The following CCDC91 variants were observed in gnomAD, a reference collection of about 807,000 sequenced individuals.
CCDC91 encodes coiled-coil domain containing 91, also known as coiled-coil domain-containing protein 91.
CCDC91 carries 48 observed loss-of-function variants against 63.2 expected under a neutral mutation model. The observed-to-expected ratio is 0.76, with a 90% CI of 0.60 to 0.97. The LOEUF (loss-of-function observed/expected upper bound fraction) is 0.97, where lower values mean the gene tolerates loss of function less well. Among genes scored for constraint, CCDC91 ranks in the 50% least tolerant of loss-of-function variants. The pLI is 0.00. For synonymous variants in CCDC91, 167 were observed against 165.8 expected, an observed-to-expected ratio of 1.01 and a Z score of -0.06; for missense variants, 500 against 494.6, an observed-to-expected ratio of 1.01 and a Z score of -0.10.
At chr12:28,517,330 G>A (rs1940063092) in intron 12 of CCDC91, among the ~76,000 whole-genome samples, 1 of 151,952 alleles carries the variant, frequency 6.6e-6, no homozygotes, top group Non-Finnish European at 1.5e-5. Flanking sequence ...GAATTCAGAA[G>A]TGGTGTTTAT....
At chr12:28,197,995 T>C (rs982012617) in intron 1 of CCDC91, among the ~76,000 whole-genome samples, 8 of 152,188 alleles carry the variant, frequency 5.3e-5, no homozygotes, top group Non-Finnish European at 1.2e-4. Flanking sequence ...TTAATTACTT[T>C]ATAAAATGAG....
chr12:28,346,308 G>C (rs986122354), intron 6 of CCDC91, among the ~76,000 whole-genome samples: 6 of 152,160 alleles, frequency 3.9e-5, no homozygotes, highest in African/African-American at 1.4e-4. Context: ...TTGACTTTTA[G>C]AAGTGTTTTC....
intron 12 of CCDC91, among the ~76,000 whole-genome samples, chr12:28,538,521 G>T (rs566123654): frequency 1.3e-5 from 2 of 151,952 alleles, no homozygotes; most frequent in East Asian, 3.9e-4. Context: ...GGACATTTTG[G>T]TTGGTTCCAA....
chr12:28,407,688 C>T (rs1425533358), intron 8 of CCDC91, among the ~76,000 whole-genome samples: 1 of 152,100 alleles, frequency 6.6e-6, no homozygotes, highest in African/African-American at 2.4e-5. Context: ...GGAGAACTGA[C>T]ATTTTCACAA....
At position 28,362,457 on chromosome 12, in the gene CCDC91, T is replaced by C. The variant is rs1291848672; in HGVS notation, c.596T>C (p.Leu199Ser). 1.2e-5 allele frequency: 19 copies of C among 1,592,920 alleles called. No individual in the cohort carries two copies. Among genetic ancestry groups the C allele is most frequent in the Non-Finnish European group, 1.5e-5 (18 of 1,168,706 alleles). The change falls in exon 7 of 13, where the codon TTG (leucine) becomes TCG (serine). Residue 199 changes from leucine to serine, a missense_variant. By Grantham distance (145) the Leu-to-Ser change is moderately radical. Coordinates refer to ENST00000536442, the MANE Select transcript of CCDC91 (RefSeq NM_018318.5). ...KELQEKHKQE[L>S]EDMRKAGHEA... is the part of the protein sequence containing the mutation. ...TTTCAGGAAAAACATAAACAAGAAT[T>C]GGAAGACATGAGGAAAGCTGGTCAC...
At chr12:28,531,781 C>T (rs1941755504) in intron 12 of CCDC91, among the ~76,000 whole-genome samples, 1 of 152,114 alleles carries the variant, frequency 6.6e-6, no homozygotes, top group Non-Finnish European at 1.5e-5. Flanking sequence ...GCACCATGTG[C>T]CAGGTACTGC....
intron 8 of CCDC91, among the ~76,000 whole-genome samples, chr12:28,407,956 A>ATTTTTTTTTTTTTTTTTTT (rs1565925661): frequency 9.4e-6 from 1 of 106,854 alleles, no homozygotes. Flanking sequence ...ATATACATAT[A>ATTTTTTTTTTTTTTTTTTT]TATATATATT....
chr12:28,500,794 T>C (rs1220148334), intron 12 of CCDC91, among the ~76,000 whole-genome samples: 1 of 151,706 alleles, frequency 6.6e-6, no homozygotes, highest in Non-Finnish European at 1.5e-5. Flanking sequence ...TGAACTGCAT[T>C]ATCAACAGTC....
chr12:28,521,503 T>C (rs1348267183), intron 12 of CCDC91, among the ~76,000 whole-genome samples: 1 of 152,174 alleles, frequency 6.6e-6, no homozygotes, highest in South Asian at 2.1e-4. Flanking sequence ...AGATATACAA[T>C]CATGTCATCA....
At chr12:28,401,747 A>T (rs1163405764) in intron 8 of CCDC91, among the ~76,000 whole-genome samples, 2 of 152,200 alleles carry the variant, frequency 1.3e-5, no homozygotes, top group Admixed American at 1.3e-4. Flanking sequence ...AACTATATCA[A>T]TCATGTTTTC....
At chr12:28,224,709 G>C (rs1248347907) in intron 1 of CCDC91, among the ~76,000 whole-genome samples, 1 of 152,148 alleles carries the variant, frequency 6.6e-6, no homozygotes, top group Non-Finnish European at 1.5e-5. Context: ...AAATTCTTGA[G>C]TTATTTCAGA....
chr12:28,367,257 G>T (rs1265555115), intron 7 of CCDC91, among the ~76,000 whole-genome samples: 1 of 152,074 alleles, frequency 6.6e-6, no homozygotes, highest in Non-Finnish European at 1.5e-5. Flanking sequence ...AAACCAATGT[G>T]AAAACAGAAA....
chr12:28,420,469 T>A (rs1947935455), intron 8 of CCDC91, among the ~76,000 whole-genome samples: 1 of 152,192 alleles, frequency 6.6e-6, no homozygotes, highest in Non-Finnish European at 1.5e-5. Context: ...TTAGAGGAAT[T>A]GTTATATGCC....
At chr12:28,256,175 A>G (rs1305336428) in intron 1 of CCDC91, 8 of 152,092 alleles carry the variant, frequency 5.3e-5, no homozygotes, top group Non-Finnish European at 1.0e-4. Context: ...TACAAAGACA[A>G]ACTCCTGTCA....
intron 12 of CCDC91, among the ~76,000 whole-genome samples, chr12:28,496,392 C>T (rs1952281828): frequency 6.6e-6 from 1 of 151,602 alleles, no homozygotes; most frequent in Non-Finnish European, 1.5e-5. Context: ...GCACATTTGA[C>T]TCTGGTTAGT....
At chr12:28,426,274 A>G (rs1948311080) in intron 8 of CCDC91, among the ~76,000 whole-genome samples, 1 of 152,098 alleles carries the variant, frequency 6.6e-6, no homozygotes, top group African/African-American at 2.4e-5. Flanking sequence ...AATATAATAC[A>G]TATACTTTAG....
chr12:28,268,044 A>T (rs892088590), intron 3 of CCDC91, among the ~76,000 whole-genome samples: 1 of 137,762 alleles, frequency 7.3e-6, no homozygotes, highest in African/African-American at 2.7e-5. Flanking sequence ...ATTAATTAAA[A>T]ATTAAAAATT....
At chr12:28,541,992 A>T (rs1942661846) in intron 12 of CCDC91, among the ~76,000 whole-genome samples, 1 of 152,058 alleles carries the variant, frequency 6.6e-6, no homozygotes, top group African/African-American at 2.4e-5. Flanking sequence ...CTAAAATTCT[A>T]AATCTATGGC....
chr12:28,381,156 T>C (rs946461635), intron 7 of CCDC91, among the ~76,000 whole-genome samples: 1 of 152,136 alleles, frequency 6.6e-6, no homozygotes, highest in Non-Finnish European at 1.5e-5. Flanking sequence ...TTCTGAACTA[T>C]AAAACAGACT....
Sources: gnomAD v4.1 joint callset for allele counts (sites outside exome capture counted in the v4.1 genomes callset) on GRCh38, gnomAD v4.1.1 for gene constraint, MANE v1.5 for transcripts, NCBI Gene and HGNC (gene_info 2026-07-23, HGNC 2026-07-21) for gene names.